Variants in PARD3B observed in about 807,000 individuals in gnomAD.
PARD3B encodes the protein partitioning defective 3 homolog B.
In PARD3B, 103 loss-of-function variants were observed where a neutral mutation model predicts 130.2. The observed-to-expected ratio is 0.79, with a 90% CI of 0.67 to 0.93. The LOEUF is 0.93. PARD3B is among the 40% of genes least tolerant of loss of function. The pLI, the probability that PARD3B is intolerant of heterozygous loss-of-function variation, is 0.00. For missense variants in PARD3B, 1,609 were observed against 1,499.2 expected (o/e 1.07, Z -1.21); for synonymous variants, 583 against 553.2 (o/e 1.05, Z -0.76).
chr2:204,895,333 C>G (rs1295165107), intron 2 of PARD3B, among the ~76,000 whole-genome samples: 2 of 152,146 alleles, frequency 1.3e-5, no homozygotes, highest in Non-Finnish European at 2.9e-5. Flanking sequence ...GAAAAGGATA[C>G]TTATCCTATT....
chr2:204,989,650 T>A (rs1344528389), intron 3 of PARD3B, among the ~76,000 whole-genome samples: 1 of 152,134 alleles, frequency 6.6e-6, no homozygotes, highest in Non-Finnish European at 1.5e-5. Flanking sequence ...TGAATTTTCA[T>A]ATCTCTATGG....
chr2:204,933,519 A>G (rs779031764), intron 2 of PARD3B, among the ~76,000 whole-genome samples: 8 of 152,242 alleles, frequency 5.3e-5, no homozygotes, highest in Non-Finnish European at 8.8e-5. Context: ...CTTAAAAGAA[A>G]CACTGATATT....
chr2:204,717,963 T>C (rs1055436479), intron 2 of PARD3B, among the ~76,000 whole-genome samples: 1 of 152,200 alleles, frequency 6.6e-6, no homozygotes, highest in African/African-American at 2.4e-5. Context: ...AGACCAAATT[T>C]ACATATATTA....
At chr2:204,884,278 G>A (rs2046190594) in intron 2 of PARD3B, among the ~76,000 whole-genome samples, 1 of 152,032 alleles carries the variant, frequency 6.6e-6, no homozygotes, top group East Asian at 1.9e-4. Flanking sequence ...AAATGAATCA[G>A]GCTCACTTGA....
At chr2:205,101,938 A>G (rs1236848633) in intron 4 of PARD3B, among the ~76,000 whole-genome samples, 2 of 152,186 alleles carry the variant, frequency 1.3e-5, no homozygotes, top group South Asian at 2.1e-4. Context: ...ATGTTCTGAC[A>G]TTAGTTGATG....
At chr2:204,656,697 G>A (rs917428516) in intron 1 of PARD3B, among the ~76,000 whole-genome samples, 1 of 152,128 alleles carries the variant, frequency 6.6e-6, no homozygotes, top group East Asian at 1.9e-4. Flanking sequence ...CATGTTTCAT[G>A]TGTTATTTCT....
At chr2:204,988,033 T>C (rs1693322619) in intron 3 of PARD3B, among the ~76,000 whole-genome samples, 1 of 151,340 alleles carries the variant, frequency 6.6e-6, no homozygotes, top group Admixed American at 6.8e-5. Context: ...GAGAAACACC[T>C]AGAGTCCAGT....
At chr2:204,849,603 T>C (rs116462689) in intron 2 of PARD3B, among the ~76,000 whole-genome samples, 2,956 of 152,314 alleles carry the variant, frequency 0.019, 36 homozygotes, top group Middle Eastern at 0.061. Context: ...TTGCATAATC[T>C]TTAAAAGACT....
intron 2 of PARD3B, among the ~76,000 whole-genome samples, chr2:204,783,652 C>T (rs1365775020): frequency 6.6e-6 from 1 of 152,030 alleles, no homozygotes; most frequent in Non-Finnish European, 1.5e-5. Flanking sequence ...CTAATATGTG[C>T]CGAACACTCA....
intron 20 of PARD3B, among the ~76,000 whole-genome samples, chr2:205,444,400 C>T (rs965475693): frequency 1.3e-5 from 2 of 152,212 alleles, no homozygotes; most frequent in Non-Finnish European, 2.9e-5. Context: ...GCTGTAGTGA[C>T]CTGTTGATTG....
intron 13 of PARD3B, 119 bp from the exon 14 acceptor site, chr2:205,185,638 CTTATTTA>C: frequency 1.5e-6 from 1 of 688,856 alleles, no homozygotes; most frequent in Non-Finnish European, 2.6e-6. Context: ...TGTATGAGAA[CTTATTTA>C]TTTCAGGGCT....
In PARD3B at chr2:205,170,781, C is replaced by CTT. The variant is rs141604922; in HGVS notation, c.1621-1421_1621-1420dup. On this transcript the variant is annotated intron_variant, in intron 11 of 22. Transcript: ENST00000406610. Reference sequence around the variant, plus strand: ...TTGTGTGTGTCTGGCTATCTCATTTCTTTTTTTTTTCTTTTACTTTTTTTT... The same window carrying CTT: ...TTGTGTGTGTCTGGCTATCTCATTTCTTTTTTTTTTTTCTTTTACTTTTTTTT... Among the ~76,000 whole-genome samples the CTT allele has an allele frequency of 1.5e-3, 222 of 143,740 alleles. 1 individual carries two copies. Among genetic ancestry groups the CTT allele is most frequent in the African/African-American group, 1.5e-3 (60 of 40,012 alleles). 94.3% of individuals were successfully genotyped at this position (143,740 alleles called of 152,430 possible). A position where few individuals can be genotyped will look rare whatever the true frequency, so the allele number is the denominator to read the frequency against.
At chr2:205,225,448 A>G (rs1358655909) in intron 15 of PARD3B, among the ~76,000 whole-genome samples, 1 of 152,102 alleles carries the variant, frequency 6.6e-6, no homozygotes, top group Non-Finnish European at 1.5e-5. Flanking sequence ...TTAAAATCAG[A>G]TTTTTAGATT....
chr2:204,877,069 A>T (rs2045874422), intron 2 of PARD3B, among the ~76,000 whole-genome samples: 1 of 152,192 alleles, frequency 6.6e-6, no homozygotes, highest in Non-Finnish European at 1.5e-5. Context: ...AGCCATAAAA[A>T]ATGATGAGTT....
intron 2 of PARD3B, among the ~76,000 whole-genome samples, chr2:204,729,547 C>T (rs1329568416): frequency 6.6e-6 from 1 of 152,160 alleles, no homozygotes; most frequent in African/African-American, 2.4e-5. Flanking sequence ...ACCGAGCAGA[C>T]ATCTCGTGTC....
chr2:204,959,236 T>G (rs1690538694), intron 2 of PARD3B, among the ~76,000 whole-genome samples: 1 of 152,194 alleles, frequency 6.6e-6, no homozygotes. Context: ...GTGTTTGGTT[T>G]TCTGTTCCTG....
At chr2:204,667,725 GGCAGTCACACATAGT>G (rs2036090272) in intron 1 of PARD3B, among the ~76,000 whole-genome samples, 1 of 152,130 alleles carries the variant, frequency 6.6e-6, no homozygotes, top group Non-Finnish European at 1.5e-5. Context: ...TAGTGAAAAA[GGCAGTCACACATAGT>G]GAGAAAAGGC....
intron 21 of PARD3B, among the ~76,000 whole-genome samples, chr2:205,512,866 G>A (rs954657876): frequency 6.6e-6 from 1 of 152,078 alleles, no homozygotes; most frequent in African/African-American, 2.4e-5. Context: ...CCCAAACCAT[G>A]TGGAGACACC....
At chr2:204,546,294 G>A in intron 1 of PARD3B, 175 bp downstream of exon 1, 1 of 926,848 alleles carries the variant, frequency 1.1e-6, no homozygotes, top group Non-Finnish European at 1.6e-6. Context: ...GGTGTTTGTG[G>A]GCCTTGAGCT....
Sources: gnomAD v4.1 joint callset for allele counts (sites outside exome capture counted in the v4.1 genomes callset) on GRCh38, gnomAD v4.1.1 for gene constraint, MANE v1.5 for transcripts, NCBI Gene and HGNC (gene_info 2026-07-23, HGNC 2026-07-21) for gene names.